Variants in STX18 observed in about 807,000 individuals in gnomAD.
The protein encoded by STX18 is syntaxin 18, also known as syntaxin-18.
STX18 carries 40 observed loss-of-function variants against 50.1 expected under a neutral mutation model. The ratio of observed to expected loss-of-function variants is 0.80; its 90% CI spans 0.62 to 1.04. The LOEUF (loss-of-function observed/expected upper bound fraction) is 1.04. Among genes scored for constraint, STX18 ranks in the 50% least tolerant of loss-of-function variants. The pLI, the probability that STX18 is intolerant of heterozygous loss-of-function variation, is 0.00. For missense variants in STX18, 410 were observed against 415.8 expected (o/e 0.99, Z 0.12); for synonymous variants, 158 against 151.8 (o/e 1.04, Z -0.30).
rs1312805345 is a variant in STX18 at position 4,457,496 on chromosome 4, G to A, written c.357C>T (p.His119=). 2.5e-6 allele frequency: 4 copies of A among 1,613,590 alleles called. No homozygotes were observed. The highest frequency in any genetic ancestry group is 3.4e-6 in the Non-Finnish European group (4 of 1,179,696). The change falls in exon 4 of 11, where the codon CAC becomes CAT. Residue 119 remains histidine, a synonymous_variant. Transcript: ENST00000306200. ...TCACTTGCTGGGAATGTATCTCCTT[G>A]TGAGCTGTAACAGAAAAAGACAATG... is the stretch of plus-strand genomic sequence containing the variant. The part of the protein sequence containing the change: ...EAIQQLRTEA[H]KEIHSQQVKE...
chr4:4,456,503 G>A (rs1338239979), intron 5 of STX18, among the ~76,000 whole-genome samples: 2 of 152,302 alleles, frequency 1.3e-5, no homozygotes, highest in Admixed American at 6.5e-5. Flanking sequence ...CCAGGCAGGC[G>A]CCATGGAAAA....
chr4:4,421,557 G>A (rs564810838), intron 9 of STX18, among the ~76,000 whole-genome samples: 1 of 152,206 alleles, frequency 6.6e-6, no homozygotes, highest in Non-Finnish European at 1.5e-5. Flanking sequence ...GCAGGGCTGA[G>A]ACCCCATCTT....
intron 1 of STX18, among the ~76,000 whole-genome samples, chr4:4,527,881 T>TA (rs1730870147): frequency 6.7e-6 from 1 of 149,270 alleles, no homozygotes; most frequent in Non-Finnish European, 1.5e-5. Flanking sequence ...TATATATATA[T>TA]TAAAAACTAC....
intron 3 of STX18, among the ~76,000 whole-genome samples, chr4:4,458,734 A>G (rs1156378431): frequency 2.0e-5 from 3 of 152,336 alleles, no homozygotes; most frequent in Middle Eastern, 3.4e-3. Flanking sequence ...CTTAATGCTC[A>G]TAACAACCCT....
At chr4:4,453,053 T>C (rs1000064047) in intron 5 of STX18, among the ~76,000 whole-genome samples, 2 of 152,190 alleles carry the variant, frequency 1.3e-5, no homozygotes, top group Admixed American at 6.5e-5. Context: ...CTGCTTATTA[T>C]GGATGAACCA....
At chr4:4,521,175 A>C (rs1730494907) in intron 1 of STX18, among the ~76,000 whole-genome samples, 1 of 152,160 alleles carries the variant, frequency 6.6e-6, no homozygotes, top group Non-Finnish European at 1.5e-5. Flanking sequence ...AAAGTTACTG[A>C]ATCTCTTTTG....
chr4:4,440,084 C>T (rs878979639), intron 5 of STX18, among the ~76,000 whole-genome samples: 2 of 152,138 alleles, frequency 1.3e-5, no homozygotes, highest in Admixed American at 1.3e-4. Context: ...AATAAGAAAA[C>T]GTTTAGGTTA....
chr4:4,540,909 T>G lies in STX18; in HGVS notation c.168+888A>C, dbSNP rs868177923. ...TGAGGCTTAAGCTTTAGGGTCCCTC[T>G]CTTCAATCTTCCAAAGCTCTGAATC... On this transcript the variant is annotated intron_variant, in intron 1 of 10. Coordinates refer to ENST00000306200, the MANE Select transcript of STX18 (RefSeq NM_016930.4). Among the ~76,000 whole-genome samples the G allele has an allele frequency of 9.9e-5, 15 of 152,208 alleles. No individual in the cohort carries two copies. The South Asian group carries it at 1.0e-3, about 11-fold the overall frequency.
At chr4:4,479,706 A>G (rs1005639370) in intron 1 of STX18, among the ~76,000 whole-genome samples, 2 of 152,262 alleles carry the variant, frequency 1.3e-5, no homozygotes, top group African/African-American at 2.4e-5. Context: ...AAGACATTGA[A>G]ATTCTCCATA....
chr4:4,508,844 G>A (rs1729862108), intron 1 of STX18, among the ~76,000 whole-genome samples: 1 of 152,180 alleles, frequency 6.6e-6, no homozygotes, highest in Non-Finnish European at 1.5e-5. Flanking sequence ...TCAGTTTGCT[G>A]AGGATAATGG....
At chr4:4,537,388 CAT>C (rs1731393386) in intron 1 of STX18, among the ~76,000 whole-genome samples, 1 of 152,168 alleles carries the variant, frequency 6.6e-6, no homozygotes. Flanking sequence ...CTGCCTTTTC[CAT>C]GATTCTGGTG....
rs1314156978 is a variant in STX18, at chr4:4,471,628, T to A, written c.236+11A>T. 2.0e-6 allele frequency: 3 copies of A among 1,533,760 alleles called. No individual in the cohort carries two copies. The South Asian group carries it at 3.8e-5, about 19-fold the overall frequency. On this transcript the variant is annotated intron_variant, in intron 2 of 10. Transcript: ENST00000306200. Reference sequence around the variant, plus strand: ...AGTCACCAAAGTCCTGGTAAAAAAATATGTACTTACCTATAAGCATTAATA... The same window carrying A: ...AGTCACCAAAGTCCTGGTAAAAAAAAATGTACTTACCTATAAGCATTAATA...
At chr4:4,486,645 G>C (rs1420237908) in intron 1 of STX18, among the ~76,000 whole-genome samples, 1 of 152,162 alleles carries the variant, frequency 6.6e-6, no homozygotes, top group Non-Finnish European at 1.5e-5. Flanking sequence ...GACTCATTAG[G>C]AAGTGTCGGA....
At chr4:4,431,350 C>G (rs574723269) in intron 7 of STX18, among the ~76,000 whole-genome samples, 4 of 152,272 alleles carry the variant, frequency 2.6e-5, no homozygotes, top group Non-Finnish European at 4.4e-5. Flanking sequence ...ACAAGGATTT[C>G]ATATAAACCG....
intron 1 of STX18, among the ~76,000 whole-genome samples, chr4:4,494,875 C>G (rs1729100739): frequency 6.6e-6 from 1 of 152,140 alleles, no homozygotes; most frequent in South Asian, 2.1e-4. Flanking sequence ...GTCTAGAAAA[C>G]AGAGAGAGAG....
At chr4:4,505,751 G>A (rs1389749268) in intron 1 of STX18, among the ~76,000 whole-genome samples, 4 of 152,154 alleles carry the variant, frequency 2.6e-5, no homozygotes, top group African/African-American at 7.2e-5. Context: ...ATCAAGCACT[G>A]CACTCCAGCC....
intron 1 of STX18, among the ~76,000 whole-genome samples, chr4:4,476,346 T>C (rs1016749262): frequency 2.6e-5 from 4 of 152,242 alleles, no homozygotes; most frequent in Non-Finnish European, 5.9e-5. Flanking sequence ...GTCTCCTCTA[T>C]ACTAGTTACT....
chr4:4,524,864 T>G (rs1730677502), intron 1 of STX18, among the ~76,000 whole-genome samples: 1 of 151,944 alleles, frequency 6.6e-6, no homozygotes, highest in South Asian at 2.1e-4. Flanking sequence ...GGGAAGAAAA[T>G]CAAGCCACAC....
chr4:4,463,717 C>T (rs1004513323), intron 2 of STX18, among the ~76,000 whole-genome samples: 2 of 152,146 alleles, frequency 1.3e-5, no homozygotes, highest in Non-Finnish European at 2.9e-5. Flanking sequence ...TTTTTACAGC[C>T]TATCAAATCA....
Sources: gnomAD v4.1 joint callset for allele counts (sites outside exome capture counted in the v4.1 genomes callset) on GRCh38, gnomAD v4.1.1 for gene constraint, MANE v1.5 for transcripts, NCBI Gene and HGNC (gene_info 2026-07-23, HGNC 2026-07-21) for gene names.